Variants in MYH9 observed in about 807,000 individuals in gnomAD.
MYH9 encodes myosin heavy chain 9.
MYH9 carries 29 observed loss-of-function variants against 241.9 expected under a neutral mutation model. The ratio of observed to expected loss-of-function variants is 0.12; its 90% CI spans 0.09 to 0.16. MYH9 has a LOEUF of 0.16. MYH9 is among the 10% of genes least tolerant of loss of function. The pLI is 1.00. For synonymous variants in MYH9, 1,047 were observed against 1,062.6 expected (o/e 0.99, Z 0.29); for missense variants, 1,803 against 2,595.5 (o/e 0.69, Z 6.63).
intron 2 of MYH9, among the ~76,000 whole-genome samples, chr22:36,343,797 T>A (rs1341092884): frequency 6.6e-6 from 1 of 152,182 alleles, no homozygotes; most frequent in African/African-American, 2.4e-5. Flanking sequence ...GTTTTTCCTC[T>A]GCGTGAATGT....
In MYH9 at chr22:36,330,499, T is replaced by C. The variant is rs530993336; in HGVS notation, c.491-3011A>G. On this transcript the variant is annotated intron_variant, in intron 3 of 40. Coordinates refer to ENST00000216181, the MANE Select transcript of MYH9 (RefSeq NM_002473.6). The surrounding 1 kb of genome is among the most constrained non-coding windows in gnomAD (Gnocchi z 4.5). The stretch of plus-strand genomic sequence containing the variant: ...AGGTATTATCATCATTGTTTTGCCA[T>C]CTTTCCACACAGCGGTTCTTCTGGA... Among the ~76,000 whole-genome samples the C allele has an allele frequency of 6.6e-6, 1 of 152,338 alleles. No homozygotes were observed. Among genetic ancestry groups the C allele is most frequent in the African/African-American group, 2.4e-5 (1 of 41,584 alleles).
intron 40 of MYH9, 105 bp downstream of exon 40, chr22:36,283,988 C>CCG: frequency 1.4e-6 from 2 of 1,398,630 alleles, no homozygotes; most frequent in Admixed American, 1.7e-5. Flanking sequence ...TTGTGCAGTC[C>CCG]TTTCTTGGTG....
intron 40 of MYH9, among the ~76,000 whole-genome samples, chr22:36,283,136 C>T (rs1018697020): frequency 2.6e-5 from 4 of 152,218 alleles, no homozygotes; most frequent in African/African-American, 9.6e-5. Context: ...GAAACCAAGA[C>T]AGGTAAACAG....
chr22:36,319,694 G>A, intron 9 of MYH9, 59 bp from the exon 10 acceptor site: 2 of 1,528,194 alleles, frequency 1.3e-6, no homozygotes, highest in Admixed American at 1.7e-5. Flanking sequence ...ATTCCCGGGG[G>A]TGGGGGCCAC....
chr22:36,386,263 A>AC (rs966629828), intron 1 of MYH9, among the ~76,000 whole-genome samples: 7 of 147,132 alleles, frequency 4.8e-5, no homozygotes, highest in African/African-American at 7.4e-5. Context: ...TCAACCTCCC[A>AC]CCCCCCCACC....
chr22:36,356,334 A>G (rs1420521739), intron 1 of MYH9, among the ~76,000 whole-genome samples: 1 of 151,600 alleles, frequency 6.6e-6, no homozygotes, highest in Non-Finnish European at 1.5e-5. Flanking sequence ...TAATCCCTGC[A>G]CTTTGGGAGG....
chr22:36,325,403 G>A lies in MYH9; in HGVS notation c.612+1165C>T, dbSNP rs112446496. 8.2e-3 allele frequency among the ~76,000 whole-genome samples: 1,255 copies of A among 152,308 alleles called. 20 individuals are homozygous for A. Among genetic ancestry groups the A allele is most frequent in the African/African-American group, 0.028 (1,174 of 41,562 alleles). On this transcript the variant is annotated intron_variant, in intron 5 of 40. Coordinates refer to ENST00000216181, the MANE Select transcript of MYH9 (RefSeq NM_002473.6). ...TACTTACGAAGGCCGCACACGGCAC[G>A]CCAGTAAGGTGGAGCCACCGGGAGC... is the stretch of plus-strand genomic sequence containing the variant.
intron 1 of MYH9, among the ~76,000 whole-genome samples, chr22:36,371,806 A>G (rs1333211555): frequency 6.6e-6 from 1 of 152,176 alleles, no homozygotes; most frequent in East Asian, 1.9e-4. Context: ...AAGTGCTGGG[A>G]TTACAGGCGT....
intron 1 of MYH9, among the ~76,000 whole-genome samples, chr22:36,374,575 C>T (rs1370387998): frequency 2.6e-5 from 4 of 152,178 alleles, no homozygotes; most frequent in Non-Finnish European, 5.9e-5. Context: ...ACGTCTCTCT[C>T]AATATTCCAT....
chr22:36,359,176 A>G (rs1373434285), intron 1 of MYH9, among the ~76,000 whole-genome samples: 1 of 152,234 alleles, frequency 6.6e-6, no homozygotes, highest in East Asian at 1.9e-4. Context: ...CTGTAACCAA[A>G]CAGCTAAATA....
At chr22:36,301,799 A>T in intron 20 of MYH9, 134 bp from the exon 21 acceptor site, 1 of 1,205,994 alleles carries the variant, frequency 8.3e-7, no homozygotes, top group Non-Finnish European at 1.2e-6. Flanking sequence ...TGGGGGCTGC[A>T]AGCAGGCACA....
intron 1 of MYH9, among the ~76,000 whole-genome samples, chr22:36,354,463 G>A (rs1483285695): frequency 2.8e-5 from 4 of 144,942 alleles, no homozygotes; most frequent in African/African-American, 1.0e-4. Context: ...ATTTTTTTTT[G>A]AGATGGAGTC....
chr22:36,291,807 G>A (rs943776463), intron 31 of MYH9, among the ~76,000 whole-genome samples, 179 bp downstream of exon 31: 13 of 152,108 alleles, frequency 8.5e-5, no homozygotes, highest in African/African-American at 3.1e-4. Flanking sequence ...CTCTTCCGCT[G>A]GCCTTCTCCC....
In MYH9 at chr22:36,329,890, C is replaced by T. The variant is rs1269074286; in HGVS notation, c.491-2402G>A. 2.6e-5 allele frequency among the ~76,000 whole-genome samples: 4 copies of T among 152,100 alleles called. No individual in the cohort carries two copies. Among genetic ancestry groups the T allele is most frequent in the South Asian group, 2.1e-4 (1 of 4,832 alleles). On this transcript the variant is annotated intron_variant, in intron 3 of 40. Coordinates refer to ENST00000216181, the MANE Select transcript of MYH9 (RefSeq NM_002473.6). This position sits in a 1 kb window ranked among gnomAD's most constrained non-coding sequence, Gnocchi z 4.1. Reference sequence around the variant, plus strand: ...GTGCACAGAAATACATGCGCACACACGTGTGCAAAGCCATATACATAGATC... The same window carrying T: ...GTGCACAGAAATACATGCGCACACATGTGTGCAAAGCCATATACATAGATC...
rs200272787 is a variant in MYH9 at position 36,293,849 on chromosome 22, G to A, written c.3852C>T (p.Asn1284=). The A allele has an allele frequency of 1.2e-4, 196 of 1,613,398 alleles. No individual in the cohort carries two copies. Among genetic ancestry groups the A allele is most frequent in the Non-Finnish European group, 7.4e-5 (87 of 1,179,848 alleles). ...KVTKLQVELD[N]VTGLLSQSDS... ...CGGACTGGCTGAGAAGCCCGGTCAC[G>A]TTGTCCAGCTCCACCTGCACCGGGC... is the stretch of plus-strand genomic sequence containing the variant. Residue 1284 remains asparagine (N), a synonymous_variant, in exon 29 of 41, where the codon AAC becomes AAT. Transcript: ENST00000216181. The surrounding 1 kb of genome is among the most constrained non-coding windows in gnomAD (Gnocchi z 5.1).
chr22:36,383,818 C>T (rs528228930), intron 1 of MYH9, among the ~76,000 whole-genome samples: 4 of 151,648 alleles, frequency 2.6e-5, no homozygotes, highest in Non-Finnish European at 4.4e-5. Flanking sequence ...AAATTAGCCA[C>T]GCATGGTGGC....
chr22:36,366,391 G>T (rs973878183), intron 1 of MYH9, among the ~76,000 whole-genome samples: 10 of 151,984 alleles, frequency 6.6e-5, no homozygotes, highest in African/African-American at 2.4e-4. Context: ...AGAGGTGGGG[G>T]GTCGGGGGGA....
In MYH9 at chr22:36,348,738, T is replaced by A. The variant is rs1194510010; in HGVS notation, c.333+166A>T. Among the ~76,000 whole-genome samples the A allele has an allele frequency of 2.0e-5, 3 of 152,014 alleles. No homozygotes were observed. The East Asian group carries it at 5.8e-4, about 29-fold the overall frequency. On this transcript the variant is annotated intron_variant, in intron 2 of 40. Coordinates refer to ENST00000216181, the MANE Select transcript of MYH9 (RefSeq NM_002473.6). ...ATGCTATAAGAACATCCCACTAGGA[T>A]GTTCAGATGTCAAAGTTCAAGGATG...
intron 2 of MYH9, 68 bp downstream of exon 2, chr22:36,348,836 G>GGGGGGGCCCC: frequency 1.2e-6 from 1 of 859,340 alleles, no homozygotes; most frequent in Non-Finnish European, 1.7e-6. Context: ...GTGATGGGAA[G>GGGGGGGCCCC]ACCCGCCCCC....
Sources: gnomAD v4.1 joint callset for allele counts (sites outside exome capture counted in the v4.1 genomes callset) on GRCh38, gnomAD v4.1.1 for gene constraint, Gnocchi (gnomAD v3.1) non-coding constraint, MANE v1.5 for transcripts, NCBI Gene and HGNC (gene_info 2026-07-23, HGNC 2026-07-21) for gene names.